The following SMARCC1 variants were observed in gnomAD, a reference collection of about 807,000 sequenced individuals.
SMARCC1 encodes SWI/SNF complex subunit SMARCC1.
In SMARCC1, 43 loss-of-function variants were observed where a neutral mutation model predicts 147.4. The observed-to-expected ratio is 0.29, with a 90% CI of 0.23 to 0.38. The LOEUF (loss-of-function observed/expected upper bound fraction) is 0.38. Among genes scored for constraint, SMARCC1 ranks in the 10% least tolerant of loss-of-function variants. SMARCC1 has a pLI of 1.00. For synonymous variants in SMARCC1, 495 were observed against 484.4 expected (o/e 1.02, Z -0.29); for missense variants, 1,119 against 1,381.1 (o/e 0.81, Z 3.01).
intron 26 of SMARCC1, among the ~76,000 whole-genome samples, chr3:47,608,733 C>T (rs761708442): frequency 1.3e-5 from 2 of 151,340 alleles, no homozygotes; most frequent in Non-Finnish European, 2.9e-5. Context: ...CCTGTAGTCA[C>T]AGCTACACAG....
At chr3:47,686,497 A>G (rs1269910548) in intron 13 of SMARCC1, among the ~76,000 whole-genome samples, 5 of 152,138 alleles carry the variant, frequency 3.3e-5, no homozygotes, top group African/African-American at 1.2e-4. Context: ...CATAACCCAG[A>G]TCTCGTTCCA....
At chr3:47,630,564 T>C (rs1366505462) in intron 24 of SMARCC1, among the ~76,000 whole-genome samples, 1 of 152,188 alleles carries the variant, frequency 6.6e-6, no homozygotes, top group East Asian at 1.9e-4. Context: ...ACAGAAGTAG[T>C]TTCTATGTAG....
intron 7 of SMARCC1, among the ~76,000 whole-genome samples, chr3:47,718,680 T>A (rs2034191752): frequency 6.6e-6 from 1 of 151,160 alleles, no homozygotes; most frequent in Non-Finnish European, 1.5e-5. Flanking sequence ...ACATATCAAC[T>A]GTACCCCAAT....
Position 47,770,562 on chromosome 3 carries a change from G to A in SMARCC1, c.315+2255C>T, listed in dbSNP as rs564485948. Among the ~76,000 whole-genome samples, 5 of 152,220 alleles carry A rather than the reference G, an allele frequency of 3.3e-5. No individual in the cohort carries two copies. In the East Asian group the frequency reaches 7.7e-4, roughly 23 times the overall value. ...CACTTGAACCTGGGAAGCAGAGGTCGTGGTGAGCTGAAATTGCACCACTGC... is the reference window on the plus strand; with the variant it reads ...CACTTGAACCTGGGAAGCAGAGGTCATGGTGAGCTGAAATTGCACCACTGC... On this transcript the variant is annotated intron_variant, in intron 2 of 27. Transcript: ENST00000254480.
At chr3:47,769,686 C>T (rs1037688739) in intron 2 of SMARCC1, among the ~76,000 whole-genome samples, 1 of 152,156 alleles carries the variant, frequency 6.6e-6, no homozygotes, top group Non-Finnish European at 1.5e-5. Flanking sequence ...TCTACTCACA[C>T]AGCTCATTAG....
intron 19 of SMARCC1, chr3:47,670,296 T>TA: frequency 4.4e-6 from 1 of 229,160 alleles, no homozygotes; most frequent in Non-Finnish European, 8.4e-6. Context: ...TAGGTGAGTT[T>TA]AAAATGCTAG....
chr3:47,706,093 G>C (rs1334806587), intron 10 of SMARCC1, among the ~76,000 whole-genome samples: 1 of 151,760 alleles, frequency 6.6e-6, no homozygotes, highest in African/African-American at 2.4e-5. Flanking sequence ...CACTAAACAT[G>C]GTGAATATAA....
intron 14 of SMARCC1, among the ~76,000 whole-genome samples, chr3:47,685,144 G>A (rs2033704318): frequency 6.6e-6 from 1 of 151,970 alleles, no homozygotes; most frequent in African/African-American, 2.4e-5. Flanking sequence ...AACTAAAATA[G>A]GGGTTCCTTG....
At chr3:47,668,908 G>A (rs147876529) in intron 19 of SMARCC1, among the ~76,000 whole-genome samples, 1 of 151,642 alleles carries the variant, frequency 6.6e-6, no homozygotes, top group African/African-American at 2.4e-5. Context: ...AAGGTACGAT[G>A]CTATTTTGAA....
Position 47,772,888 on chromosome 3 carries a change from C to T in SMARCC1, c.244G>A (p.Val82Met). 1 of 1,613,486 alleles carries T rather than the reference C, an allele frequency of 6.2e-7. No homozygotes were observed. Among genetic ancestry groups the T allele is most frequent in the Non-Finnish European group, 8.5e-7 (1 of 1,179,612 alleles). Residue 82 changes from valine (V) to methionine (M), a missense_variant, in exon 2 of 28, where the codon GTG (valine) becomes ATG (methionine). Coordinates refer to ENST00000254480, the MANE Select transcript of SMARCC1 (RefSeq NM_003074.4). ...PTNKTLAGLV[V>M]QLLQFQEDAF... is the part of the protein sequence containing the mutation. ...TCTTCCTGGAACTGAAGAAGCTGCACCACCAGCCCAGCCAGTGTTTTATTG... is the reference window on the plus strand; with the variant it reads ...TCTTCCTGGAACTGAAGAAGCTGCATCACCAGCCCAGCCAGTGTTTTATTG...
At chr3:47,594,095 G>A (rs1255258002) in intron 26 of SMARCC1, among the ~76,000 whole-genome samples, 2 of 151,758 alleles carry the variant, frequency 1.3e-5, no homozygotes, top group Non-Finnish European at 2.9e-5. Context: ...AACCCGGGAG[G>A]TGGAGGTTGC....
At chr3:47,703,937 C>T (rs1375773892) in intron 10 of SMARCC1, among the ~76,000 whole-genome samples, 1 of 152,130 alleles carries the variant, frequency 6.6e-6, no homozygotes, top group Admixed American at 6.6e-5. Context: ...GCTGGGACTA[C>T]AGGCGCCTGC....
chr3:47,614,497 G>T (rs2032609593), intron 25 of SMARCC1, among the ~76,000 whole-genome samples: 3 of 152,192 alleles, frequency 2.0e-5, no homozygotes, highest in Non-Finnish European at 4.4e-5. Flanking sequence ...ATTACTCTGG[G>T]ACACTATGAA....
At chr3:47,744,869 T>C (rs764908996) in intron 3 of SMARCC1, among the ~76,000 whole-genome samples, 5 of 152,208 alleles carry the variant, frequency 3.3e-5, no homozygotes, top group Non-Finnish European at 7.3e-5. Flanking sequence ...GGATTCTCAA[T>C]CTATCTACAA....
intron 2 of SMARCC1, among the ~76,000 whole-genome samples, chr3:47,767,402 G>A (rs1286914822): frequency 6.8e-6 from 1 of 146,728 alleles, no homozygotes; most frequent in Non-Finnish European, 1.5e-5. Flanking sequence ...CACCACACTC[G>A]GCTAATTTTT....
At chr3:47,615,764 A>G (rs1576388335) in intron 25 of SMARCC1, among the ~76,000 whole-genome samples, 1 of 152,174 alleles carries the variant, frequency 6.6e-6, no homozygotes, top group East Asian at 1.9e-4. Context: ...GCTCACTGCA[A>G]CCTCTGCCTC....
intron 24 of SMARCC1, among the ~76,000 whole-genome samples, chr3:47,629,629 C>G (rs939423474): frequency 6.6e-6 from 1 of 152,134 alleles, no homozygotes. Flanking sequence ...TCCAACTACT[C>G]CTGAGACTAC....
At chr3:47,775,577 A>T (rs1188473313) in intron 1 of SMARCC1, among the ~76,000 whole-genome samples, 4 of 150,350 alleles carry the variant, frequency 2.7e-5, no homozygotes, top group South Asian at 4.2e-4. Context: ...ATCAAGACCA[A>T]CCTGACTAAA....
At chr3:47,590,512 C>T in intron 27 of SMARCC1, 149 bp downstream of exon 27, 1 of 596,684 alleles carries the variant, frequency 1.7e-6, no homozygotes, top group Non-Finnish European at 2.7e-6. Flanking sequence ...AGAACACAGA[C>T]TGAAAACTGG....
Sources: gnomAD v4.1 joint callset for allele counts (sites outside exome capture counted in the v4.1 genomes callset) on GRCh38, gnomAD v4.1.1 for gene constraint, MANE v1.5 for transcripts, NCBI Gene and HGNC (gene_info 2026-07-23, HGNC 2026-07-21) for gene names.